Variants in RGS7 observed in about 807,000 individuals in gnomAD.
RGS7 encodes regulator of G-protein signaling 7.
Under a neutral mutation model 81.1 loss-of-function variants are expected in RGS7, and 27 were observed. That is an observed-to-expected ratio of 0.33 (90% CI 0.25 to 0.46). RGS7 has a LOEUF of 0.46. Ranked by LOEUF, RGS7 falls within the 20% of genes least tolerant of loss-of-function variation. The probability of loss-of-function intolerance (pLI) is 1.00; values close to 1 mark genes in which losing one functional copy is unlikely to be tolerated. For missense variants in RGS7, 396 were observed against 607.4 expected (o/e 0.65, Z 3.66); for synonymous variants, 208 against 207.7 (o/e 1.00, Z -0.01).
intron 10 of RGS7, among the ~76,000 whole-genome samples, chr1:240,826,384 A>C (rs1439580796): frequency 2.0e-5 from 3 of 152,304 alleles, no homozygotes; most frequent in Non-Finnish European, 4.4e-5. Flanking sequence ...CTACAGGGAC[A>C]CAGACTCTGG....
At chr1:241,301,063 T>C (rs915862739) in intron 2 of RGS7, among the ~76,000 whole-genome samples, 3 of 152,220 alleles carry the variant, frequency 2.0e-5, no homozygotes, top group African/African-American at 7.2e-5. Flanking sequence ...CTTTTAGCCA[T>C]ATCTATGCCA....
chr1:241,356,888 T>C lies in RGS7; in HGVS notation c.-51+11A>G, dbSNP rs1891130. The C allele has an allele frequency of 0.96, 144,859 of 151,582 alleles. 69,404 individuals carry two copies. The highest frequency in any genetic ancestry group is 1 in the East Asian group (5,006 of 5,022). 9.4% of individuals were successfully genotyped at this position (151,582 alleles called of 1,614,324 possible). On this transcript the variant is annotated intron_variant, in intron 1 of 18. Coordinates refer to ENST00000440928, the MANE Select transcript of RGS7 (RefSeq NM_001364886.1). ...GGCGCTGCCTCCTCCCCGCCCGCCT[T>C]CCCTATTTACCTCCTCCGCCAAGGT...
intron 2 of RGS7, among the ~76,000 whole-genome samples, chr1:241,171,059 C>T (rs1032217285): frequency 1.3e-5 from 2 of 152,152 alleles, no homozygotes; most frequent in Admixed American, 6.5e-5. Context: ...TGCTTTGCTG[C>T]ACACTTTGTG....
chr1:241,092,084 C>T (rs995259373), intron 3 of RGS7, among the ~76,000 whole-genome samples: 1 of 152,046 alleles, frequency 6.6e-6, no homozygotes, highest in Non-Finnish European at 1.5e-5. Flanking sequence ...ACATCTATAT[C>T]CAAATAGTAT....
At chr1:241,170,346 A>G (rs1017188581) in intron 2 of RGS7, among the ~76,000 whole-genome samples, 20 of 152,218 alleles carry the variant, frequency 1.3e-4, no homozygotes, top group Non-Finnish European at 2.6e-4. Flanking sequence ...TTAAAATTAA[A>G]AAAATACATA....
intron 18 of RGS7, among the ~76,000 whole-genome samples, chr1:240,795,115 C>G (rs535972206): frequency 6.6e-6 from 1 of 150,996 alleles, no homozygotes; most frequent in African/African-American, 2.4e-5. Context: ...ACCTGGGAGG[C>G]GGAGGTTGCA....
At chr1:241,092,251 T>C (rs2502430) in intron 3 of RGS7, among the ~76,000 whole-genome samples, 3,894 of 152,324 alleles carry the variant, frequency 0.026, 170 homozygotes, top group African/African-American at 0.088. Flanking sequence ...TTTAAAATAG[T>C]ACCACAAATG....
intron 18 of RGS7, among the ~76,000 whole-genome samples, chr1:240,797,162 C>T (rs1200302521): frequency 6.6e-6 from 1 of 152,070 alleles, no homozygotes; most frequent in African/African-American, 2.4e-5. Context: ...AGCTACTTTC[C>T]GGGAAACTGA....
At chr1:241,125,296 CTAGAATTCATG>C (rs1477404643) in intron 2 of RGS7, among the ~76,000 whole-genome samples, 1 of 152,160 alleles carries the variant, frequency 6.6e-6, no homozygotes, top group Non-Finnish European at 1.5e-5. Context: ...ATGAGGTTTC[CTAGAATTCATG>C]TAATATTTAA....
At chr1:241,051,950 C>G (rs1177640896) in intron 3 of RGS7, among the ~76,000 whole-genome samples, 1 of 152,158 alleles carries the variant, frequency 6.6e-6, no homozygotes, top group Non-Finnish European at 1.5e-5. Context: ...GTGGCGCAGT[C>G]AGTCCTCAAA....
At chr1:240,827,406 T>A (rs1693024276) in intron 9 of RGS7, among the ~76,000 whole-genome samples, 1 of 151,900 alleles carries the variant, frequency 6.6e-6, no homozygotes, top group Non-Finnish European at 1.5e-5. Context: ...CTCAAATAAC[T>A]CCCAGAGAAA....
chr1:241,327,080 G>GAGAAAGAAAGAAAGAA (rs75083243), intron 2 of RGS7, among the ~76,000 whole-genome samples: 10 of 49,398 alleles, frequency 2.0e-4, no homozygotes, highest in Admixed American at 4.8e-4. Context: ...AAGGAAGGAA[G>GAGAAAGAAAGAAAGAA]AGAAAGAAAG....
chr1:241,285,060 C>T (rs368269120), intron 2 of RGS7, among the ~76,000 whole-genome samples: 2 of 151,934 alleles, frequency 1.3e-5, no homozygotes, highest in Non-Finnish European at 2.9e-5. Context: ...TTAGTAGAGA[C>T]GGGGTTTCAC....
intron 2 of RGS7, among the ~76,000 whole-genome samples, chr1:241,220,949 GC>G (rs2074866706): frequency 2.2e-5 from 2 of 91,792 alleles, no homozygotes; most frequent in South Asian, 3.9e-4. Context: ...GAAGGAAGAA[GC>G]AAGGAAGGAA....
At chr1:241,139,296 TTCC>T (rs1439172093) in intron 2 of RGS7, among the ~76,000 whole-genome samples, 9 of 106,446 alleles carry the variant, frequency 8.5e-5, no homozygotes, top group African/African-American at 3.6e-4. Flanking sequence ...CCTTCCTTCT[TTCC>T]TTCCTTCCTT....
chr1:240,853,682 G>C (rs1422972663), intron 9 of RGS7, among the ~76,000 whole-genome samples: 6 of 152,032 alleles, frequency 3.9e-5, no homozygotes, highest in Non-Finnish European at 8.8e-5. Context: ...GAGGCGGGCT[G>C]ATCACGAGGG....
At position 240,806,275 on chromosome 1, in the gene RGS7, G is replaced by A; in HGVS notation, c.1134C>T (p.Pro378=). Residue 378 remains proline, a synonymous_variant, in exon 15 of 19, where the codon CCC becomes CCT. Transcript: ENST00000440928. ...DLKKRPIKEV[P]SRVQEIWQEF... ...CTTGCCATATTTCCTGAACTCTTGA[G>A]GGTACTTCTTTAATAGGCCTCTTTT... The A allele has an allele frequency of 6.2e-7, 1 of 1,614,010 alleles. No homozygotes were observed.
intron 5 of RGS7, among the ~76,000 whole-genome samples, chr1:240,931,330 T>G (rs1226582133): frequency 6.6e-6 from 1 of 152,214 alleles, no homozygotes; most frequent in Non-Finnish European, 1.5e-5. Flanking sequence ...TAAAGACATT[T>G]CCTAAATTCC....
chr1:240,811,590 A>G (rs953011546), intron 14 of RGS7, among the ~76,000 whole-genome samples: 2 of 152,238 alleles, frequency 1.3e-5, no homozygotes. Flanking sequence ...ATTGAACTTC[A>G]TAAATGTTAT....
Sources: allele counts gnomAD v4.1 joint callset (sites outside exome capture counted in the v4.1 genomes callset), GRCh38; gene constraint gnomAD v4.1.1; transcripts MANE v1.5; gene names NCBI Gene and HGNC (gene_info 2026-07-23, HGNC 2026-07-21).